EFNA2: variants seen among roughly 807,000 people sequenced by gnomAD.
EFNA2 encodes ephrin-A2.
EFNA2 carries 18 observed loss-of-function variants against 19.7 expected under a neutral mutation model. The ratio of observed to expected loss-of-function variants is 0.91; its 90% CI spans 0.63 to 1.35. The LOEUF (loss-of-function observed/expected upper bound fraction) is 1.35, where lower values mean the gene tolerates loss of function less well. EFNA2 is among the 40% of genes most tolerant of loss of function. The pLI is 0.00. For synonymous variants in EFNA2, 187 were observed against 137.8 expected, an observed-to-expected ratio of 1.36 and a Z score of -2.50; for missense variants, 303 against 296.0, an observed-to-expected ratio of 1.02 and a Z score of -0.17.
chr19:1,286,195 C>T lies in EFNA2; in HGVS notation c.27C>T (p.Leu9=). 1 of 1,046,560 alleles carries T rather than the reference C, an allele frequency of 9.6e-7. No individual in the cohort carries two copies. Among genetic ancestry groups the T allele is most frequent in the Non-Finnish European group, 1.2e-6 (1 of 867,454 alleles). The allele number at this position is 1,046,560 out of a possible 1,614,324, so 64.8% of individuals were successfully genotyped here. MAPAQRPL[L]PLLLLLLPLP... is the part of the protein sequence containing the mutation. The stretch of plus-strand genomic sequence containing the variant: ...TGGCGCCCGCGCAGCGCCCGCTGCT[C>T]CCGCTGCTGCTCCTGCTGTTACCGC... The change falls in exon 1 of 4, where the codon CTC becomes CTT. Residue 9 remains leucine, a synonymous_variant. Transcript: ENST00000215368. This position sits in a 1 kb window ranked among gnomAD's most constrained non-coding sequence, Gnocchi z 5.6.
chr19:1,299,790 C>T (rs752143600), intron 3 of EFNA2, 34 bp from the exon 4 acceptor site: 156 of 1,570,356 alleles, frequency 9.9e-5, no homozygotes, highest in Non-Finnish European at 1.3e-4. Flanking sequence ...GGGGTTCGGG[C>T]GGCCGCTGAG....
Position 1,287,434 on chromosome 19 carries a change from C to A in EFNA2, c.140+1126C>A, listed in dbSNP as rs994743027. Among the ~76,000 whole-genome samples the A allele has an allele frequency of 2.0e-5, 3 of 152,186 alleles. No individual in the cohort carries two copies. Among genetic ancestry groups the A allele is most frequent in the African/African-American group, 7.2e-5 (3 of 41,450 alleles). On this transcript the variant is annotated intron_variant, in intron 1 of 3. Coordinates refer to ENST00000215368, the MANE Select transcript of EFNA2 (RefSeq NM_001405.4). The surrounding 1 kb of genome is among the most constrained non-coding windows in gnomAD (Gnocchi z 6.2). The stretch of plus-strand genomic sequence containing the variant: ...CTTTCTCTCCGTTTTCCAGCCGCTT[C>A]CTGTGCCGACCGAGCCGCCCTCTGG...
At position 1,297,614 on chromosome 19, in the gene EFNA2, G is replaced by A. The variant is rs1021127607; in HGVS notation, c.455-937G>A. 6.6e-6 allele frequency among the ~76,000 whole-genome samples: 1 copy of A among 151,990 alleles called. No homozygotes were observed. Among genetic ancestry groups the A allele is most frequent in the Non-Finnish European group, 1.5e-5 (1 of 67,990 alleles). On this transcript the variant is annotated intron_variant, in intron 2 of 3. Transcript: ENST00000215368. This position sits in a 1 kb window ranked among gnomAD's most constrained non-coding sequence, Gnocchi z 5.0. ...CGTGCACATGGACCCACCCCTGTTC[G>A]ATTGTCCACACGTGTGCACACCCCA...
rs1008200631 is a variant in EFNA2 at position 1,297,564 on chromosome 19, G to A, written c.455-987G>A. 5.3e-5 allele frequency among the ~76,000 whole-genome samples: 8 copies of A among 152,102 alleles called. No homozygotes were observed. The highest frequency in any genetic ancestry group is 1.3e-4 in the Admixed American group (2 of 15,284). On this transcript the variant is annotated intron_variant, in intron 2 of 3. Transcript: ENST00000215368. This position sits in a 1 kb window ranked among gnomAD's most constrained non-coding sequence, Gnocchi z 5.0. ...CATCAGGGGCCCAGGGCCCGGCAGA[G>A]ACAGCAAGACCACATCCATGTGTGC...
At chr19:1,299,325 G>A (rs2081529638) in intron 3 of EFNA2, among the ~76,000 whole-genome samples, 1 of 152,218 alleles carries the variant, frequency 6.6e-6, no homozygotes, top group Non-Finnish European at 1.5e-5. Flanking sequence ...TTGGGAGGCT[G>A]AGGTGGGTGG....
At chr19:1,299,058 C>A (rs1233118051) in intron 3 of EFNA2, among the ~76,000 whole-genome samples, 5 of 151,988 alleles carry the variant, frequency 3.3e-5, no homozygotes, top group Admixed American at 6.6e-5. Flanking sequence ...GTTAACATGG[C>A]GAAACCCCAT....
In EFNA2 at chr19:1,287,507, C is replaced by A. The variant is rs2081471077; in HGVS notation, c.140+1199C>A. Among the ~76,000 whole-genome samples the A allele has an allele frequency of 6.6e-6, 1 of 152,132 alleles. No individual in the cohort carries two copies. The highest frequency in any genetic ancestry group is 1.5e-5 in the Non-Finnish European group (1 of 68,008). ...CCTCTGTCTCCTGCTGTCCTCGGTC[C>A]CCGGGAGGAAAGTTGCATGAAGGGG... On this transcript the variant is annotated intron_variant, in intron 1 of 3. Coordinates refer to ENST00000215368, the MANE Select transcript of EFNA2 (RefSeq NM_001405.4). This position sits in a 1 kb window ranked among gnomAD's most constrained non-coding sequence, Gnocchi z 6.2.
In EFNA2 at chr19:1,300,024, C is replaced by A; in HGVS notation, c.*79C>A. On this transcript the variant is annotated 3_prime_UTR_variant, in exon 4 of 4. Transcript: ENST00000215368. ...GACCTCGGCCCTCCGGACCCGGCTGCGGCCCCCGCCTCCGAGACCAAATAG... is the reference window on the plus strand; with the variant it reads ...GACCTCGGCCCTCCGGACCCGGCTGAGGCCCCCGCCTCCGAGACCAAATAG... 6.8e-7 allele frequency: 1 copy of A among 1,471,984 alleles called. No homozygotes were observed. The highest frequency in any genetic ancestry group is 2.4e-5 in the Admixed American group (1 of 42,256). The allele number at this position is 1,471,984 out of a possible 1,614,324, so 91.2% of individuals were successfully genotyped here. A position where few individuals can be genotyped will look rare whatever the true frequency, so the allele number is the denominator to read the frequency against.
In EFNA2 at chr19:1,286,564, A is replaced by C. The variant is rs1389198492; in HGVS notation, c.140+256A>C. ...TGGGGACTCGCGCCCCACATCCCCC[A>C]GAGCGCCGACGTCTCCTGGAGTTTG... On this transcript the variant is annotated intron_variant, in intron 1 of 3. Coordinates refer to ENST00000215368, the MANE Select transcript of EFNA2 (RefSeq NM_001405.4). The surrounding 1 kb of genome is among the most constrained non-coding windows in gnomAD (Gnocchi z 5.6). 1.3e-5 allele frequency among the ~76,000 whole-genome samples: 2 copies of C among 151,822 alleles called. No individual in the cohort carries two copies. Among genetic ancestry groups the C allele is most frequent in the African/African-American group, 4.8e-5 (2 of 41,350 alleles).
chr19:1,298,662 G>C (rs373414720), intron 3 of EFNA2, 46 bp downstream of exon 3: 6 of 1,602,574 alleles, frequency 3.7e-6, no homozygotes, highest in Non-Finnish European at 4.3e-6. Flanking sequence ...CCACCCCTGT[G>C]TCCTAAACCC....
rs1029476169 is a variant in EFNA2 at position 1,301,250 on chromosome 19, G to C, written c.*1305G>C. Among the ~76,000 whole-genome samples the C allele has an allele frequency of 6.1e-5, 9 of 148,076 alleles. No individual in the cohort carries two copies. Among genetic ancestry groups the C allele is most frequent in the Non-Finnish European group, 1.0e-4 (7 of 67,136 alleles). ...TTATATATAAATATATATTGTGTAC[G>C]GCCGCCGGCCGGCGGCTCGAGGCAC... is the stretch of plus-strand genomic sequence containing the variant. On this transcript the variant is annotated 3_prime_UTR_variant, in exon 4 of 4. Transcript: ENST00000215368.
chr19:1,298,020 C>G (rs192582291), intron 2 of EFNA2, among the ~76,000 whole-genome samples: 1 of 141,386 alleles, frequency 7.1e-6, no homozygotes, highest in South Asian at 2.2e-4. Context: ...TGCAGTGAGC[C>G]GAGATCGTAC....
At chr19:1,293,191 GGCAGTCCCAGGCGGGA>G (rs2081499167) in intron 1 of EFNA2, among the ~76,000 whole-genome samples, 2 of 152,352 alleles carry the variant, frequency 1.3e-5, no homozygotes, top group Admixed American at 1.3e-4. Flanking sequence ...CCTGGGTGTG[GGCAGTCCCAGGCGGGA>G]GCTGGGCCTT....
At chr19:1,289,238 C>T (rs1422069542) in intron 1 of EFNA2, among the ~76,000 whole-genome samples, 1 of 152,240 alleles carries the variant, frequency 6.6e-6, no homozygotes, top group South Asian at 2.1e-4. Flanking sequence ...GCGTGGCACC[C>T]GCGTTTGCAT....
chr19:1,284,914 CAG>C (rs1319173547), upstream of EFNA2, among the ~76,000 whole-genome samples: 2 of 152,218 alleles, frequency 1.3e-5, no homozygotes, highest in Admixed American at 6.5e-5. The surrounding 1 kb of genome is among the most constrained non-coding windows in gnomAD (Gnocchi z 5.3). Flanking sequence ...TCCACAAGCT[CAG>C]AGTCTGGTGA....
chr19:1,289,695 C>T (rs534356494), intron 1 of EFNA2, among the ~76,000 whole-genome samples: 16 of 152,302 alleles, frequency 1.1e-4, no homozygotes, highest in Admixed American at 2.0e-4. Flanking sequence ...CAGTGGCCCT[C>T]GGGTGTGGGC....
intron 1 of EFNA2, among the ~76,000 whole-genome samples, chr19:1,290,650 C>T (rs912043555): frequency 1.3e-5 from 2 of 152,176 alleles, no homozygotes; most frequent in African/African-American, 4.8e-5. Flanking sequence ...CTTCTCTCCT[C>T]CCCAGGAACC....
At chr19:1,293,647 T>C (rs1013666778) in intron 1 of EFNA2, among the ~76,000 whole-genome samples, 3 of 96,360 alleles carry the variant, frequency 3.1e-5, no homozygotes, top group African/African-American at 1.8e-4. Context: ...CGCCCTCCCA[T>C]GTCCCCTGTG....
At chr19:1,291,625 C>T (rs775672952) in intron 1 of EFNA2, among the ~76,000 whole-genome samples, 3 of 152,202 alleles carry the variant, frequency 2.0e-5, no homozygotes, top group South Asian at 4.1e-4. Flanking sequence ...CGGGTGCAGG[C>T]GTCCACCTGC....
Sources: gnomAD v4.1 joint callset for allele counts (sites outside exome capture counted in the v4.1 genomes callset) on GRCh38, gnomAD v4.1.1 for gene constraint, Gnocchi (gnomAD v3.1) non-coding constraint, MANE v1.5 for transcripts, NCBI Gene and HGNC (gene_info 2026-07-23, HGNC 2026-07-21) for gene names.